DPP4: variants seen among roughly 807,000 people sequenced by gnomAD.
DPP4 encodes ADCP-2.
DPP4 carries 93 observed loss-of-function variants against 122.4 expected under a neutral mutation model. The observed-to-expected ratio is 0.76, with a 90% CI of 0.64 to 0.90. The LOEUF (loss-of-function observed/expected upper bound fraction) is 0.90. Ranked by LOEUF, DPP4 falls within the 40% of genes least tolerant of loss-of-function variation. The pLI, the probability that DPP4 is intolerant of heterozygous loss-of-function variation, is 0.00. For missense variants in DPP4, 914 were observed against 907.3 expected, an observed-to-expected ratio of 1.01 and a Z score of -0.09; for synonymous variants, 321 against 302.9, an observed-to-expected ratio of 1.06 and a Z score of -0.62.
At chr2:162,002,903 T>A (rs934330860) in intron 23 of DPP4, among the ~76,000 whole-genome samples, 3 of 152,210 alleles carry the variant, frequency 2.0e-5, no homozygotes, top group African/African-American at 7.2e-5. Context: ...GTTCTCCACA[T>A]AGATTCAGTT....
chr2:162,023,207 C>T (rs534295421), intron 11 of DPP4, among the ~76,000 whole-genome samples: 9 of 152,258 alleles, frequency 5.9e-5, no homozygotes, highest in African/African-American at 1.9e-4. Context: ...TCACCTAGTT[C>T]TTTGACTTCT....
At chr2:162,064,166 G>A (rs1385506747) in intron 2 of DPP4, among the ~76,000 whole-genome samples, 3 of 152,194 alleles carry the variant, frequency 2.0e-5, no homozygotes, top group Non-Finnish European at 4.4e-5. Flanking sequence ...GGAGGTGTTG[G>A]AAGTTTGAGT....
Position 162,005,774 on chromosome 2 carries a change from T to C in DPP4, c.2023A>G (p.Thr675Ala), listed in dbSNP as rs201306777. ...VYTERYMGLP[T>A]PEDNLDHYRN... Reference sequence around the variant, plus strand: ...TAATGGTCAAGGTTGTCTTCTGGAGTTGGGAGACCCATGTAACGTTCTGTG... The same window carrying C: ...TAATGGTCAAGGTTGTCTTCTGGAGCTGGGAGACCCATGTAACGTTCTGTG... Residue 675 changes from threonine to alanine, a missense_variant, in exon 23 of 26, where the codon ACT (threonine) becomes GCT (alanine). Physicochemically the swap from Thr to Ala is moderately conservative, Grantham distance 58. Coordinates refer to ENST00000360534, the MANE Select transcript of DPP4 (RefSeq NM_001935.4). 5.6e-5 allele frequency: 91 copies of C among 1,613,138 alleles called. No homozygotes were observed. The highest frequency in any genetic ancestry group is 7.1e-5 in the Non-Finnish European group (84 of 1,179,560).
At chr2:162,067,366 A>C (rs1275761122) in intron 2 of DPP4, among the ~76,000 whole-genome samples, 1 of 152,100 alleles carries the variant, frequency 6.6e-6, no homozygotes, top group Non-Finnish European at 1.5e-5. Context: ...GTGGATGATA[A>C]GACCTGCTTG....
intron 18 of DPP4, 52 bp from the exon 19 acceptor site, chr2:162,014,517 G>C: frequency 3.6e-6 from 5 of 1,383,808 alleles, no homozygotes; most frequent in Non-Finnish European, 5.1e-6. Flanking sequence ...ATTAGCACAA[G>C]ATTTTGTTCC....
chr2:162,019,179 G>A (rs200851584), intron 15 of DPP4, 44 bp downstream of exon 15: 10 of 1,511,040 alleles, frequency 6.6e-6, no homozygotes, highest in African/African-American at 5.6e-5. Context: ...GAAATTGTTC[G>A]TCAGCTAAAA....
At position 162,002,137 on chromosome 2, in the gene DPP4, G is replaced by A. The variant is rs376030158; in HGVS notation, c.2052+3608C>T. On this transcript the variant is annotated intron_variant, in intron 23 of 25. Transcript: ENST00000360534. ...GTTTGACACAGCCCTGGAGGTGTAG[G>A]CCTTAGAAAATGGAGTATGGTCTGG... Among the ~76,000 whole-genome samples the A allele has an allele frequency of 4.6e-5, 7 of 152,278 alleles. No individual in the cohort carries two copies. In the South Asian group the frequency reaches 1.5e-3, roughly 32 times the overall value.
chr2:162,002,394 T>C (rs575864975), intron 23 of DPP4, among the ~76,000 whole-genome samples: 18 of 152,356 alleles, frequency 1.2e-4, no homozygotes, highest in Admixed American at 1.1e-3. Flanking sequence ...CTGCATTTTC[T>C]TCCAAAGGCT....
At chr2:161,998,044 C>T (rs2106071621) in intron 23 of DPP4, among the ~76,000 whole-genome samples, 1 of 152,298 alleles carries the variant, frequency 6.6e-6, no homozygotes, top group Middle Eastern at 3.4e-3. Context: ...TTGAGATCCT[C>T]CTAAGACCCA....
intron 20 of DPP4, among the ~76,000 whole-genome samples, chr2:162,010,917 C>T (rs1297944405): frequency 1.3e-5 from 2 of 152,050 alleles, no homozygotes; most frequent in African/African-American, 2.4e-5. Context: ...TATTATGCTT[C>T]CCCAGACATC....
rs1683695044 is a variant in DPP4 at position 162,034,520 on chromosome 2, C to A, written c.774+644G>T. On this transcript the variant is annotated intron_variant, in intron 9 of 25. Coordinates refer to ENST00000360534, the MANE Select transcript of DPP4 (RefSeq NM_001935.4). ...AACACTTTACTATTAGATTCTCCTG[C>A]AGACAATACTGTAGCCATTATTATT... Among the ~76,000 whole-genome samples the A allele has an allele frequency of 2.0e-5, 3 of 152,140 alleles. No individual in the cohort carries two copies. The South Asian group carries it at 6.2e-4, about 32-fold the overall frequency.
At chr2:162,052,489 C>T (rs1244566012) in intron 2 of DPP4, among the ~76,000 whole-genome samples, 1 of 152,120 alleles carries the variant, frequency 6.6e-6, no homozygotes, top group Non-Finnish European at 1.5e-5. Context: ...TAATCTGGCA[C>T]TTCTCAGCCT....
intron 5 of DPP4, among the ~76,000 whole-genome samples, chr2:162,040,774 T>C (rs1015086968): frequency 1.5e-4 from 23 of 152,218 alleles, no homozygotes; most frequent in Admixed American, 1.3e-3. Flanking sequence ...GATATATTAA[T>C]ATTGGCTCAT....
Position 162,020,314 on chromosome 2 carries a change from T to C in DPP4, c.1177-18A>G. On this transcript the variant is annotated intron_variant, in intron 13 of 25. Coordinates refer to ENST00000360534, the MANE Select transcript of DPP4 (RefSeq NM_001935.4). ...GTGCAGTCCTGATGGTTTTTTTTTTTTTTCAAAAAAAAAAAAAAGATTGAT... is the reference window on the plus strand; with the variant it reads ...GTGCAGTCCTGATGGTTTTTTTTTTCTTTCAAAAAAAAAAAAAAGATTGAT... 1 of 1,509,622 alleles carries C rather than the reference T, an allele frequency of 6.6e-7. No individual in the cohort carries two copies. Among genetic ancestry groups the C allele is most frequent in the Non-Finnish European group, 8.9e-7 (1 of 1,126,340 alleles). The allele number at this position is 1,509,622 out of a possible 1,614,324, so 93.5% of individuals were successfully genotyped here. A position where few individuals can be genotyped will look rare whatever the true frequency, so the allele number is the denominator to read the frequency against.
In DPP4 at chr2:162,038,386, C is replaced by A. The variant is rs1683863581; in HGVS notation, c.529G>T (p.Glu177Ter). 1 of 1,608,060 alleles carries A rather than the reference C, an allele frequency of 6.2e-7. No individual in the cohort carries two copies. Among genetic ancestry groups the A allele is most frequent in the Non-Finnish European group, 8.5e-7 (1 of 1,176,956 alleles). The stretch of plus-strand genomic sequence containing the variant: ...ATTCTGTAACTTGGTAAATTTGGTT[C>A]AATTTTAACATAAATGTCATTGTTC... ...VWNNDIYVKI[E>*]PNLPSYRITW... The change falls in exon 8 of 26, where the codon GAA (glutamate) becomes TAA (stop). Residue 177 changes from glutamate to a stop codon, truncating the protein, a stop_gained. Coordinates refer to ENST00000360534, the MANE Select transcript of DPP4 (RefSeq NM_001935.4). LOFTEE classifies it high-confidence loss of function.
chr2:162,019,832 T>C (rs1204350752), intron 14 of DPP4, among the ~76,000 whole-genome samples: 1 of 152,234 alleles, frequency 6.6e-6, no homozygotes, highest in African/African-American at 2.4e-5. Flanking sequence ...GCAGTTAGCC[T>C]CTGCAAAGCT....
intron 11 of DPP4, among the ~76,000 whole-genome samples, chr2:162,023,690 C>T (rs1683217410): frequency 6.6e-6 from 1 of 152,100 alleles, no homozygotes; most frequent in African/African-American, 2.4e-5. Flanking sequence ...CCCTCTGTAC[C>T]TTGGTTGAAC....
intron 1 of DPP4, 71 bp downstream of exon 1, chr2:162,073,905 G>A: frequency 1.3e-6 from 2 of 1,591,550 alleles, no homozygotes; most frequent in Middle Eastern, 1.7e-4. Flanking sequence ...GCCAGCTTTT[G>A]GGCCATTTGG....
intron 5 of DPP4, among the ~76,000 whole-genome samples, chr2:162,042,566 C>T (rs896297193): frequency 6.6e-6 from 1 of 151,288 alleles, no homozygotes; most frequent in African/African-American, 2.4e-5. Context: ...TCATAAGAGT[C>T]ACTTAGTCAA....
Sources: allele counts gnomAD v4.1 joint callset (sites outside exome capture counted in the v4.1 genomes callset), GRCh38; gene constraint gnomAD v4.1.1; transcripts MANE v1.5; gene names NCBI Gene and HGNC (gene_info 2026-07-23, HGNC 2026-07-21).